Variants in SMOC2 observed in about 807,000 individuals in gnomAD.
The protein encoded by SMOC2 is SPARC-related modular calcium-binding protein 2.
A neutral mutation model predicts 61.4 loss-of-function variants in SMOC2; 39 were observed. The observed-to-expected ratio is 0.64, with a 90% CI of 0.49 to 0.83. The LOEUF (loss-of-function observed/expected upper bound fraction) is 0.83, where lower values mean the gene tolerates loss of function less well. SMOC2 is among the 40% of genes least tolerant of loss of function. The pLI is 0.00. For missense variants in SMOC2, 556 were observed against 592.9 expected (o/e 0.94, Z 0.65); for synonymous variants, 247 against 239.9 (o/e 1.03, Z -0.27).
At chr6:168,603,328 T>G (rs1164646853) in intron 8 of SMOC2, among the ~76,000 whole-genome samples, 1 of 130,068 alleles carries the variant, frequency 7.7e-6, no homozygotes. Context: ...ATACTGGGGG[T>G]GTCATAGGGG....
chr6:168,520,548 G>C (rs1459773583), intron 2 of SMOC2, among the ~76,000 whole-genome samples: 1 of 152,230 alleles, frequency 6.6e-6, no homozygotes, highest in Non-Finnish European at 1.5e-5. Context: ...TAGCCATTCA[G>C]TGACCTCGCG....
At chr6:168,469,531 A>G (rs2115011737) in intron 1 of SMOC2, among the ~76,000 whole-genome samples, 1 of 152,330 alleles carries the variant, frequency 6.6e-6, no homozygotes, top group East Asian at 1.9e-4. Flanking sequence ...AATTTTGTAA[A>G]TCTTTCTGTT....
At chr6:168,543,531 C>G (rs1562338169) in intron 4 of SMOC2, 94 bp from the exon 5 acceptor site, 1 of 1,156,832 alleles carries the variant, frequency 8.6e-7, no homozygotes, top group Non-Finnish European at 1.3e-6. Flanking sequence ...GCAAATTAGT[C>G]AAAATGGAGC....
intron 6 of SMOC2, among the ~76,000 whole-genome samples, chr6:168,548,507 G>T (rs1275797028): frequency 1.4e-5 from 2 of 142,998 alleles, no homozygotes; most frequent in Admixed American, 1.5e-4. Context: ...ACAGGCACTT[G>T]CCACCACCCC....
chr6:168,505,303 T>C (rs547694681), intron 1 of SMOC2, among the ~76,000 whole-genome samples: 3 of 150,626 alleles, frequency 2.0e-5, no homozygotes, highest in African/African-American at 7.5e-5. Flanking sequence ...GAAATGTCCG[T>C]CTCTCAGATG....
chr6:168,479,702 C>T (rs1782165890), intron 1 of SMOC2, among the ~76,000 whole-genome samples: 1 of 152,134 alleles, frequency 6.6e-6, no homozygotes, highest in African/African-American at 2.4e-5. Flanking sequence ...GGAGAAAGAC[C>T]CTGTCCTTCA....
At chr6:168,664,646 G>T in intron 12 of SMOC2, 1 of 460,596 alleles carries the variant, frequency 2.2e-6, no homozygotes, top group Non-Finnish European at 4.5e-6. Context: ...CAAGACAAGT[G>T]TTGGGCTCCA....
intron 1 of SMOC2, among the ~76,000 whole-genome samples, chr6:168,455,850 A>T (rs1446615479): frequency 6.6e-6 from 1 of 152,242 alleles, no homozygotes; most frequent in Non-Finnish European, 1.5e-5. Context: ...GGCAGAATCA[A>T]CGTGGATTCA....
At chr6:168,625,175 A>AGGGCATGTG (rs1381706525) in intron 9 of SMOC2, among the ~76,000 whole-genome samples, 1 of 152,200 alleles carries the variant, frequency 6.6e-6, no homozygotes, top group African/African-American at 2.4e-5. Context: ...GAAAAGCACT[A>AGGGCATGTG]GGGCATGTGG....
In SMOC2 at chr6:168,489,229, C is replaced by G. The variant is rs529818818; in HGVS notation, c.85-20686C>G. ...AAATATATCAAATCGTCTGGGTCCT[C>G]TTGGATCACAGTTTTAGAGTGAAAT... On this transcript the variant is annotated intron_variant, in intron 1 of 12. Coordinates refer to ENST00000356284, the MANE Select transcript of SMOC2 (RefSeq NM_001166412.2). Among the ~76,000 whole-genome samples, 3 of 145,376 alleles carry G rather than the reference C, an allele frequency of 2.1e-5. No individual in the cohort carries two copies. The East Asian group carries it at 6.3e-4, about 31-fold the overall frequency.
At chr6:168,653,811 C>A (rs28712289) in intron 11 of SMOC2, among the ~76,000 whole-genome samples, 23 of 130,280 alleles carry the variant, frequency 1.8e-4, no homozygotes, top group East Asian at 7.5e-4. Flanking sequence ...GAACTCACCA[C>A]CCCTGTACCT....
At chr6:168,585,491 G>A (rs189862977) in intron 7 of SMOC2, among the ~76,000 whole-genome samples, 3 of 152,308 alleles carry the variant, frequency 2.0e-5, no homozygotes, top group Admixed American at 2.0e-4. Context: ...TTAGGTTGGG[G>A]CTACTACAAA....
chr6:168,497,714 G>A (rs539418335), intron 1 of SMOC2, among the ~76,000 whole-genome samples: 28 of 152,268 alleles, frequency 1.8e-4, no homozygotes, highest in South Asian at 1.2e-3. Flanking sequence ...AGACAAACTC[G>A]GTTTTCGGGT....
At chr6:168,595,317 G>C (rs371215934) in intron 7 of SMOC2, among the ~76,000 whole-genome samples, 1 of 152,036 alleles carries the variant, frequency 6.6e-6, no homozygotes, top group African/African-American at 2.4e-5. Context: ...GGCCCCATGC[G>C]CCTCCCCAAG....
chr6:168,659,072 G>GCT (rs1787406942), intron 11 of SMOC2, among the ~76,000 whole-genome samples: 1 of 23,300 alleles, frequency 4.3e-5, no homozygotes, highest in African/African-American at 1.5e-4. Flanking sequence ...GTGTGTGAGT[G>GCT]GTGTGTATGT....
At chr6:168,633,931 G>C (rs1031496511) in intron 9 of SMOC2, among the ~76,000 whole-genome samples, 7 of 152,176 alleles carry the variant, frequency 4.6e-5, no homozygotes, top group African/African-American at 1.7e-4. Flanking sequence ...TCTCATGATA[G>C]TGAGTGAGTT....
At chr6:168,549,067 C>T in intron 6 of SMOC2, 62 bp from the exon 7 acceptor site, 1 of 1,385,686 alleles carries the variant, frequency 7.2e-7, no homozygotes. Flanking sequence ...CACTGCGTAA[C>T]TAAGGAACAT....
chr6:168,599,809 C>CCT (rs1785488080), intron 8 of SMOC2, among the ~76,000 whole-genome samples: 1 of 26,034 alleles, frequency 3.8e-5, no homozygotes, highest in Non-Finnish European at 1.0e-4. Flanking sequence ...CACACATTCA[C>CCT]CCCACACACA....
At chr6:168,589,763 G>C (rs111901352) in intron 7 of SMOC2, among the ~76,000 whole-genome samples, 5 of 80,746 alleles carry the variant, frequency 6.2e-5, no homozygotes, top group African/African-American at 9.1e-5. Context: ...CATTAGTTTA[G>C]GGGGCAGCCG....
Sources: gnomAD v4.1 joint callset for allele counts (sites outside exome capture counted in the v4.1 genomes callset) on GRCh38, gnomAD v4.1.1 for gene constraint, MANE v1.5 for transcripts, NCBI Gene and HGNC (gene_info 2026-07-23, HGNC 2026-07-21) for gene names.